Variants in KLHL1 observed in about 807,000 individuals in gnomAD.
KLHL1 encodes kelch like family member 1.
In KLHL1, 47 loss-of-function variants were observed where a neutral mutation model predicts 77.7. The observed-to-expected ratio is 0.60, with a 90% CI of 0.48 to 0.77. The LOEUF is 0.77. Among genes scored for constraint, KLHL1 ranks in the 30% least tolerant of loss-of-function variants. The pLI, the probability that KLHL1 is intolerant of heterozygous loss-of-function variation, is 0.00. For synonymous variants in KLHL1, 360 were observed against 325.2 expected (o/e 1.11, Z -1.15); for missense variants, 925 against 910.8 (o/e 1.02, Z -0.20).
At chr13:69,875,215 A>T (rs1396777131) in intron 5 of KLHL1, among the ~76,000 whole-genome samples, 1 of 152,042 alleles carries the variant, frequency 6.6e-6, no homozygotes, top group Non-Finnish European at 1.5e-5. Flanking sequence ...TGAAGAGAGA[A>T]TGATGGTTAA....
chr13:69,776,159 AAAAAAAATAAAAAT>A (rs1222072580), intron 7 of KLHL1, among the ~76,000 whole-genome samples: 3 of 151,918 alleles, frequency 2.0e-5, no homozygotes, highest in African/African-American at 4.8e-5. Context: ...CCGTCTCGGA[AAAAAAAATAAAAAT>A]AAAAAAATAA....
At chr13:69,952,832 TAAG>T (rs1883753373) in intron 3 of KLHL1, among the ~76,000 whole-genome samples, 2 of 151,448 alleles carry the variant, frequency 1.3e-5, no homozygotes, top group South Asian at 4.1e-4. Flanking sequence ...ACAGAAGTCT[TAAG>T]AAGGGTGAAA....
intron 4 of KLHL1, among the ~76,000 whole-genome samples, chr13:69,915,199 A>G (rs1593945090): frequency 6.6e-6 from 1 of 152,310 alleles, no homozygotes; most frequent in South Asian, 2.1e-4. Flanking sequence ...TGCCATCCCC[A>G]TCAAGCTACC....
intron 1 of KLHL1, among the ~76,000 whole-genome samples, chr13:70,061,759 C>T (rs779206412): frequency 2.6e-5 from 4 of 152,064 alleles, no homozygotes; most frequent in Non-Finnish European, 5.9e-5. Flanking sequence ...CACAGTTTCT[C>T]TTTTTTTGTG....
At chr13:70,014,547 C>T (rs1314652000) in intron 1 of KLHL1, among the ~76,000 whole-genome samples, 1 of 88,896 alleles carries the variant, frequency 1.1e-5, no homozygotes, top group African/African-American at 4.2e-5. Flanking sequence ...CAAATTGAAG[C>T]TATTGAAAAT....
At chr13:69,925,372 C>A (rs1882781891) in intron 4 of KLHL1, among the ~76,000 whole-genome samples, 1 of 152,096 alleles carries the variant, frequency 6.6e-6, no homozygotes, top group African/African-American at 2.4e-5. Context: ...ACTTAGAACA[C>A]AGTCTGGCAT....
chr13:69,883,964 C>T (rs1002490793), intron 4 of KLHL1, among the ~76,000 whole-genome samples: 1 of 152,098 alleles, frequency 6.6e-6, no homozygotes, highest in African/African-American at 2.4e-5. Context: ...GCAATAGCCA[C>T]AGGACACATA....
chr13:69,723,524 C>G (rs1452149647), intron 8 of KLHL1, among the ~76,000 whole-genome samples: 1 of 152,016 alleles, frequency 6.6e-6, no homozygotes, highest in African/African-American at 2.4e-5. Context: ...TCACTGTAAA[C>G]CAAAAATAAA....
At chr13:69,984,658 G>A (rs1884812912) in intron 1 of KLHL1, among the ~76,000 whole-genome samples, 1 of 152,062 alleles carries the variant, frequency 6.6e-6, no homozygotes, top group Non-Finnish European at 1.5e-5. Flanking sequence ...ATCTCTTCAG[G>A]AGAGAGAGTT....
intron 8 of KLHL1, among the ~76,000 whole-genome samples, chr13:69,737,077 A>T (rs1188458829): frequency 6.6e-6 from 1 of 152,138 alleles, no homozygotes; most frequent in Non-Finnish European, 1.5e-5. Context: ...CCACCAGGAG[A>T]TGTACAGGGC....
intron 7 of KLHL1, among the ~76,000 whole-genome samples, chr13:69,763,162 C>T (rs1875108565): frequency 1.3e-5 from 2 of 152,158 alleles, no homozygotes; most frequent in African/African-American, 2.4e-5. Flanking sequence ...CAACAGACTT[C>T]ATTAAATTTT....
At chr13:69,912,441 G>A (rs1882269020) in intron 4 of KLHL1, among the ~76,000 whole-genome samples, 2 of 152,218 alleles carry the variant, frequency 1.3e-5, no homozygotes, top group South Asian at 4.1e-4. Context: ...ACTACTCCTT[G>A]CAATGACAAA....
intron 1 of KLHL1, among the ~76,000 whole-genome samples, chr13:69,982,360 C>T (rs1291672045): frequency 2.7e-5 from 4 of 150,318 alleles, no homozygotes; most frequent in African/African-American, 9.8e-5. Context: ...TGCTTGAACC[C>T]GAAAGGTGGA....
chr13:69,854,988 C>T (rs1879830699), intron 5 of KLHL1, among the ~76,000 whole-genome samples: 1 of 151,792 alleles, frequency 6.6e-6, no homozygotes, highest in Admixed American at 6.6e-5. Context: ...TTAATGAAAA[C>T]ACTTATTTGT....
intron 1 of KLHL1, among the ~76,000 whole-genome samples, chr13:70,060,713 G>T (rs898632527): frequency 2.0e-5 from 3 of 152,058 alleles, no homozygotes; most frequent in Non-Finnish European, 4.4e-5. Flanking sequence ...GGGCATGGTG[G>T]TATGCGCCTG....
chr13:70,075,939 A>G (rs1342560576), intron 1 of KLHL1, among the ~76,000 whole-genome samples: 2 of 151,316 alleles, frequency 1.3e-5, no homozygotes, highest in African/African-American at 4.9e-5. Context: ...AAAAATGCAT[A>G]CAAGATCTAT....
chr13:70,084,184 C>T (rs1271832822), intron 1 of KLHL1, among the ~76,000 whole-genome samples: 4 of 152,030 alleles, frequency 2.6e-5, no homozygotes, highest in African/African-American at 9.7e-5. Flanking sequence ...TTAAATTATA[C>T]ACACACATGT....
intron 1 of KLHL1, among the ~76,000 whole-genome samples, chr13:70,074,314 T>TG: frequency 1.3e-5 from 2 of 152,142 alleles, no homozygotes; most frequent in Admixed American, 6.5e-5. Flanking sequence ...TTCTGTCGTC[T>TG]GTCTGGTCCC....
At chr13:70,034,823 A>C (rs1029962115) in intron 1 of KLHL1, among the ~76,000 whole-genome samples, 7 of 152,152 alleles carry the variant, frequency 4.6e-5, no homozygotes, top group African/African-American at 1.7e-4. Context: ...TTATATCTTA[A>C]TTGACTTATT....
Sources: allele counts gnomAD v4.1 joint callset (sites outside exome capture counted in the v4.1 genomes callset), GRCh38; gene constraint gnomAD v4.1.1; transcripts MANE v1.5; gene names NCBI Gene and HGNC (gene_info 2026-07-23, HGNC 2026-07-21).